The following SPTLC2 variants were observed in gnomAD, a reference collection of about 807,000 sequenced individuals.
SPTLC2 encodes the protein serine palmitoyltransferase 2.
Under a neutral mutation model 62.0 loss-of-function variants are expected in SPTLC2, and 21 were observed. The observed-to-expected ratio is 0.34, with a 90% confidence interval of 0.24 to 0.49. The LOEUF (loss-of-function observed/expected upper bound fraction) is 0.49, where lower values mean the gene tolerates loss of function less well. Ranked by LOEUF, SPTLC2 falls within the 20% of genes least tolerant of loss-of-function variation. The pLI is 0.99. For missense variants in SPTLC2, 511 were observed against 713.0 expected, an observed-to-expected ratio of 0.72 and a Z score of 3.23; for synonymous variants, 261 against 261.8, an observed-to-expected ratio of 1.00 and a Z score of 0.03.
At chr14:77,528,715 T>C (rs1017410964) in intron 9 of SPTLC2, among the ~76,000 whole-genome samples, 2 of 152,226 alleles carry the variant, frequency 1.3e-5, no homozygotes, top group African/African-American at 4.8e-5. Flanking sequence ...CTCTAATATA[T>C]ACTATAATAG....
chr14:77,548,403 C>G (rs993103876), intron 9 of SPTLC2, among the ~76,000 whole-genome samples: 1 of 152,200 alleles, frequency 6.6e-6, no homozygotes, highest in Non-Finnish European at 1.5e-5. Flanking sequence ...CATCAAAGCA[C>G]AGCTCTGGAA....
At chr14:77,571,977 C>CG (rs1555376239) in intron 4 of SPTLC2, among the ~76,000 whole-genome samples, 1 of 116 alleles carries the variant, frequency 8.6e-3, no homozygotes, top group African/African-American at 0.042. Flanking sequence ...TTAGTAGAGA[C>CG]AGGTTTCACC....
intron 6 of SPTLC2, among the ~76,000 whole-genome samples, chr14:77,560,208 G>A (rs936282490): frequency 6.6e-6 from 1 of 152,168 alleles, no homozygotes; most frequent in Non-Finnish European, 1.5e-5. Flanking sequence ...CATACAAGAT[G>A]CAAGCATGTG....
rs932904900 is a variant in SPTLC2 at position 77,509,126 on chromosome 14, G to A, written c.*3158C>T. On this transcript the variant is annotated 3_prime_UTR_variant, in exon 12 of 12. Transcript: ENST00000216484. The stretch of plus-strand genomic sequence containing the variant: ...TGTTTTAAAATCCTTGCCCTATCAT[G>A]AATGTTTACGATAGTGACTAAAGCA... The A allele has an allele frequency of 2.0e-5, 3 of 152,166 alleles. No homozygotes were observed. Among genetic ancestry groups the A allele is most frequent in the Admixed American group, 6.6e-5 (1 of 15,264 alleles). 9.4% of individuals were successfully genotyped at this position (152,166 alleles called of 1,614,324 possible).
intron 1 of SPTLC2, among the ~76,000 whole-genome samples, chr14:77,602,961 G>A (rs550856972): frequency 6.6e-6 from 1 of 152,232 alleles, no homozygotes; most frequent in South Asian, 2.1e-4. Context: ...GTTGCCTTCT[G>A]TCTCTTAAGT....
chr14:77,521,315 G>T, intron 10 of SPTLC2, 131 bp downstream of exon 10: 1 of 1,110,000 alleles, frequency 9.0e-7, no homozygotes, highest in Non-Finnish European at 1.4e-6. Context: ...TTTGATCTAT[G>T]GCATATGTAC....
intron 9 of SPTLC2, among the ~76,000 whole-genome samples, chr14:77,532,274 T>A (rs1455023363): frequency 6.6e-6 from 1 of 152,216 alleles, no homozygotes; most frequent in Non-Finnish European, 1.5e-5. Context: ...TGGCCTTCCC[T>A]TCTTTCCCTT....
intron 9 of SPTLC2, among the ~76,000 whole-genome samples, chr14:77,524,633 A>G (rs552154037): frequency 1.7e-4 from 26 of 152,358 alleles, no homozygotes; most frequent in African/African-American, 6.0e-4. Context: ...GAATGGATAA[A>G]GAAAATGTGG....
At chr14:77,535,865 A>G (rs1253715419) in intron 9 of SPTLC2, 1 of 409,950 alleles carries the variant, frequency 2.4e-6, no homozygotes, top group Non-Finnish European at 4.8e-6. Flanking sequence ...AATAACAATG[A>G]GATATGGAGA....
chr14:77,541,519 T>G (rs2079500370), intron 9 of SPTLC2, among the ~76,000 whole-genome samples: 1 of 152,292 alleles, frequency 6.6e-6, no homozygotes, highest in Non-Finnish European at 1.5e-5. Context: ...TATACACCCA[T>G]TTAGAAGCGG....
intron 9 of SPTLC2, among the ~76,000 whole-genome samples, chr14:77,524,439 TAAAA>T (rs58888508): frequency 7.5e-6 from 1 of 133,978 alleles, no homozygotes; most frequent in East Asian, 2.1e-4. Context: ...TAGCCTCTGT[TAAAA>T]AAAAAAAAAA....
chr14:77,524,840 G>C (rs368687313), intron 9 of SPTLC2, among the ~76,000 whole-genome samples: 2 of 152,182 alleles, frequency 1.3e-5, no homozygotes, highest in South Asian at 2.1e-4. Flanking sequence ...GTGGTTACCA[G>C]AGGCTGGGAA....
At chr14:77,554,924 G>C (rs17751727) in intron 8 of SPTLC2, 131,281 of 310,428 alleles carry the variant, frequency 0.42, 31,365 homozygotes, top group East Asian at 0.87. Flanking sequence ...GTGTCCAAGG[G>C]CAAGGTGACC....
At chr14:77,606,631 T>C (rs763841548) in intron 1 of SPTLC2, among the ~76,000 whole-genome samples, 26 of 152,162 alleles carry the variant, frequency 1.7e-4, no homozygotes, top group Admixed American at 3.9e-4. Context: ...AAAATCAACA[T>C]AATCATTTCA....
intron 1 of SPTLC2, among the ~76,000 whole-genome samples, chr14:77,610,666 T>G (rs946160929): frequency 2.0e-5 from 3 of 152,024 alleles, no homozygotes; most frequent in African/African-American, 7.2e-5. Flanking sequence ...ACTTAGAAAT[T>G]ATCACAAAAT....
Position 77,507,261 on chromosome 14 carries a change from G to A in SPTLC2, c.*5023C>T, listed in dbSNP as rs2079310029. ...GCTAGCACTAGCATTTATTCTGTGT[G>A]ATAGGGAAGCCAGCCCTCTAATTTG... is the stretch of plus-strand genomic sequence containing the variant. On this transcript the variant is annotated 3_prime_UTR_variant, in exon 12 of 12. Transcript: ENST00000216484. 1 of 151,946 alleles carries A rather than the reference G, an allele frequency of 6.6e-6. No homozygotes were observed. Among genetic ancestry groups the A allele is most frequent in the Non-Finnish European group, 1.5e-5 (1 of 68,030 alleles). The allele number at this position is 151,946 out of a possible 1,614,324, so 9.4% of individuals were successfully genotyped here.
At chr14:77,553,292 C>A (rs949578656) in intron 8 of SPTLC2, among the ~76,000 whole-genome samples, 6 of 151,958 alleles carry the variant, frequency 3.9e-5, no homozygotes, top group African/African-American at 9.7e-5. Flanking sequence ...ACTAAAAAAA[C>A]CAAAAGCACA....
chr14:77,517,919 AC>A lies in SPTLC2; in HGVS notation c.1569+118del, dbSNP rs1413373591. On this transcript the variant is annotated intron_variant, in intron 11 of 11. Transcript: ENST00000216484. Reference sequence around the variant, plus strand: ...TGCCAATGTTTTTGGTAGCACTGTCACCCCCTCTGTCTTAGGTGCTCACAAG... The same window carrying A: ...TGCCAATGTTTTTGGTAGCACTGTCACCCCTCTGTCTTAGGTGCTCACAAG... The A allele has an allele frequency of 4.0e-6, 6 of 1,502,654 alleles. No individual in the cohort carries two copies. In the African/African-American group the frequency reaches 6.9e-5, roughly 17 times the overall value. The allele number at this position is 1,502,654 out of a possible 1,614,324, so 93.1% of individuals were successfully genotyped here.
chr14:77,613,343 C>G (rs540985758), intron 1 of SPTLC2, among the ~76,000 whole-genome samples: 2 of 152,210 alleles, frequency 1.3e-5, no homozygotes, highest in Non-Finnish European at 2.9e-5. Flanking sequence ...AAGTTTCCCT[C>G]GGGCAAATTG....
Sources: allele counts gnomAD v4.1 joint callset (sites outside exome capture counted in the v4.1 genomes callset), GRCh38; gene constraint gnomAD v4.1.1; transcripts MANE v1.5; gene names NCBI Gene and HGNC (gene_info 2026-07-23, HGNC 2026-07-21).